Variants in CTNNA3 observed in about 807,000 individuals in gnomAD.
CTNNA3 encodes catenin alpha-3.
A neutral mutation model predicts 95.7 loss-of-function variants in CTNNA3; 76 were observed. The ratio of observed to expected loss-of-function variants is 0.79; its 90% CI spans 0.66 to 0.96. The LOEUF (loss-of-function observed/expected upper bound fraction) is 0.96, where lower values mean the gene tolerates loss of function less well. Among genes scored for constraint, CTNNA3 ranks in the 40% least tolerant of loss-of-function variants. CTNNA3 has a pLI of 0.00. For synonymous variants in CTNNA3, 431 were observed against 374.4 expected (o/e 1.15, Z -1.74); for missense variants, 1,191 against 1,089.8 (o/e 1.09, Z -1.31).
chr10:67,075,978 C>A (rs1446736431), intron 7 of CTNNA3, among the ~76,000 whole-genome samples: 1 of 152,134 alleles, frequency 6.6e-6, no homozygotes, highest in Non-Finnish European at 1.5e-5. Flanking sequence ...TTTATATAAA[C>A]CTCTCTCTTT....
chr10:66,591,009 T>C (rs1254413149), intron 10 of CTNNA3, among the ~76,000 whole-genome samples: 2 of 152,158 alleles, frequency 1.3e-5, no homozygotes, highest in South Asian at 2.1e-4. Context: ...ATGATAATTA[T>C]TTTCCTGTCT....
chr10:66,338,362 G>T (rs2132345456), intron 12 of CTNNA3, among the ~76,000 whole-genome samples: 1 of 152,068 alleles, frequency 6.6e-6, no homozygotes, highest in African/African-American at 2.4e-5. Flanking sequence ...CTCAAAAACT[G>T]ACTTATGGTG....
intron 11 of CTNNA3, among the ~76,000 whole-genome samples, chr10:66,494,707 G>T (rs1840044187): frequency 6.6e-6 from 1 of 152,128 alleles, no homozygotes; most frequent in African/African-American, 2.4e-5. Context: ...TCTACAGAAT[G>T]GAAAAGGGAT....
intron 5 of CTNNA3, among the ~76,000 whole-genome samples, chr10:67,515,902 C>A (rs569834553): frequency 6.6e-6 from 1 of 152,176 alleles, no homozygotes; most frequent in Admixed American, 6.5e-5. Context: ...CCCACTTACA[C>A]CCTTCCTTAG....
intron 12 of CTNNA3, among the ~76,000 whole-genome samples, chr10:66,349,619 C>G (rs183508390): frequency 8.1e-4 from 123 of 152,136 alleles, no homozygotes; most frequent in African/African-American, 2.9e-3. Flanking sequence ...GAAACAGTTG[C>G]AATCTTAAGA....
At chr10:67,037,515 G>C (rs1005469047) in intron 7 of CTNNA3, among the ~76,000 whole-genome samples, 1 of 152,242 alleles carries the variant, frequency 6.6e-6, no homozygotes. Context: ...TTAGGTAGAG[G>C]AGTGATCATC....
intron 11 of CTNNA3, among the ~76,000 whole-genome samples, chr10:66,502,492 T>G (rs1840310796): frequency 1.3e-5 from 2 of 152,132 alleles, no homozygotes; most frequent in Non-Finnish European, 2.9e-5. Context: ...GATAAAGCAT[T>G]GTAGATAACA....
chr10:67,498,277 T>C (rs1355119900), intron 5 of CTNNA3, among the ~76,000 whole-genome samples: 1 of 152,200 alleles, frequency 6.6e-6, no homozygotes, highest in Non-Finnish European at 1.5e-5. Flanking sequence ...GCCTCTGTTC[T>C]GTTCCATTGG....
intron 13 of CTNNA3, among the ~76,000 whole-genome samples, chr10:66,157,503 A>ATAGATAGATATG (rs2084596913): frequency 3.9e-5 from 2 of 51,022 alleles, no homozygotes; most frequent in Non-Finnish European, 9.1e-5. Context: ...AGATAGATAG[A>ATAGATAGATATG]TAGATAGATA....
intron 1 of CTNNA3, among the ~76,000 whole-genome samples, chr10:67,720,129 C>CTTTTTTTTTTTTTTTTT (rs58074397): frequency 0.016 from 107 of 6,610 alleles, 44 homozygotes; most frequent in African/African-American, 0.026. Flanking sequence ...GCAACCCCTG[C>CTTTTTTTTTTTTTTTTT]TTTTTTTTTT....
At chr10:66,797,114 G>A (rs1436469979) in intron 7 of CTNNA3, among the ~76,000 whole-genome samples, 1 of 151,240 alleles carries the variant, frequency 6.6e-6, no homozygotes, top group Non-Finnish European at 1.5e-5. Context: ...AAGAGAAGTC[G>A]ATTTGTTGAC....
intron 5 of CTNNA3, among the ~76,000 whole-genome samples, chr10:67,327,205 A>G (rs1321956475): frequency 6.6e-6 from 1 of 152,154 alleles, no homozygotes; most frequent in East Asian, 1.9e-4. Context: ...TCCTATCCAT[A>G]TTCTGAATTC....
chr10:67,405,823 T>G (rs1442040830), intron 5 of CTNNA3, among the ~76,000 whole-genome samples: 1 of 152,118 alleles, frequency 6.6e-6, no homozygotes, highest in Non-Finnish European at 1.5e-5. Flanking sequence ...CCTCAGCAAA[T>G]GTAAAAGAAC....
chr10:66,105,391 T>A (rs1280357655), intron 13 of CTNNA3, among the ~76,000 whole-genome samples: 2 of 152,206 alleles, frequency 1.3e-5, no homozygotes, highest in African/African-American at 4.8e-5. Flanking sequence ...ATTCAGTTAA[T>A]CAAATTCTCT....
intron 5 of CTNNA3, among the ~76,000 whole-genome samples, chr10:67,329,095 G>A (rs1193582189): frequency 6.6e-6 from 1 of 152,144 alleles, no homozygotes; most frequent in Non-Finnish European, 1.5e-5. Context: ...AAATGGGCTG[G>A]GTGCAAGGGC....
intron 7 of CTNNA3, among the ~76,000 whole-genome samples, chr10:66,913,435 A>G (rs1846326063): frequency 6.6e-6 from 1 of 152,094 alleles, no homozygotes; most frequent in Admixed American, 6.6e-5. Context: ...GCATCCTTCC[A>G]GTATCATCTG....
At chr10:67,204,375 C>G (rs1327737516) in intron 6 of CTNNA3, among the ~76,000 whole-genome samples, 4 of 150,472 alleles carry the variant, frequency 2.7e-5, no homozygotes, top group Non-Finnish European at 5.9e-5. Flanking sequence ...GGCACCTCCC[C>G]CCCTCTCTCT....
intron 5 of CTNNA3, among the ~76,000 whole-genome samples, chr10:67,407,074 C>T (rs1286336717): frequency 6.6e-6 from 1 of 152,072 alleles, no homozygotes; most frequent in Non-Finnish European, 1.5e-5. Flanking sequence ...TCTATGAGGC[C>T]AGCATCATCC....
intron 13 of CTNNA3, among the ~76,000 whole-genome samples, chr10:66,152,617 T>C (rs931962395): frequency 1.3e-5 from 2 of 151,830 alleles, no homozygotes; most frequent in African/African-American, 4.8e-5. Flanking sequence ...GTGTATAAGT[T>C]TTTAAACTAA....
Sources: gnomAD v4.1 joint callset for allele counts (sites outside exome capture counted in the v4.1 genomes callset) on GRCh38, gnomAD v4.1.1 for gene constraint, MANE v1.5 for transcripts, NCBI Gene and HGNC (gene_info 2026-07-23, HGNC 2026-07-21) for gene names.